The following MON2 variants were observed in gnomAD, a reference collection of about 807,000 sequenced individuals.
MON2 encodes MON2 regulator of endosome-to-Golgi trafficking.
Under a neutral mutation model 208.6 loss-of-function variants are expected in MON2, and 84 were observed. The ratio of observed to expected loss-of-function variants is 0.40; its 90% confidence interval spans 0.34 to 0.48. MON2 has a LOEUF of 0.48. Among genes scored for constraint, MON2 ranks in the 20% least tolerant of loss-of-function variants. The probability of loss-of-function intolerance (pLI) is 0.59; values close to 1 mark genes in which losing one functional copy is unlikely to be tolerated. For missense variants in MON2, 1,611 were observed against 2,015.4 expected (o/e 0.80, Z 3.84); for synonymous variants, 660 against 694.0 (o/e 0.95, Z 0.77).
At chr12:62,532,715 T>A in intron 12 of MON2, 45 bp downstream of exon 12, 1 of 1,494,602 alleles carries the variant, frequency 6.7e-7, no homozygotes. Flanking sequence ...AATTTGAAAT[T>A]TACAATTTGC....
chr12:62,521,875 T>C (rs565153495), intron 8 of MON2, among the ~76,000 whole-genome samples: 72 of 152,304 alleles, frequency 4.7e-4, no homozygotes, highest in Non-Finnish European at 8.2e-4. Context: ...CAAGTACCCT[T>C]AAGGAATTTA....
intron 11 of MON2, among the ~76,000 whole-genome samples, chr12:62,529,801 G>A (rs898360162): frequency 1.3e-5 from 2 of 151,926 alleles, no homozygotes; most frequent in African/African-American, 2.4e-5. Context: ...CATATAAATG[G>A]AATCACACAA....
chr12:62,552,539 T>C (rs1237598324), intron 23 of MON2, among the ~76,000 whole-genome samples: 1 of 152,140 alleles, frequency 6.6e-6, no homozygotes, highest in Non-Finnish European at 1.5e-5. Flanking sequence ...TTATAGTTTT[T>C]TTTTATAGTT....
chr12:62,499,631 T>TG (rs1297322877), intron 5 of MON2, among the ~76,000 whole-genome samples: 2 of 152,156 alleles, frequency 1.3e-5, no homozygotes, highest in Non-Finnish European at 2.9e-5. Flanking sequence ...CGTAGCATTT[T>TG]GGGAGGCTGA....
At chr12:62,572,183 C>CTA in intron 30 of MON2, among the ~76,000 whole-genome samples, 1 of 152,292 alleles carries the variant, frequency 6.6e-6, no homozygotes, top group East Asian at 1.9e-4. Context: ...TTACAAATGA[C>CTA]TAATTAAAAC....
At chr12:62,531,920 C>T (rs1335839170) in intron 11 of MON2, among the ~76,000 whole-genome samples, 1 of 152,044 alleles carries the variant, frequency 6.6e-6, no homozygotes, top group African/African-American at 2.4e-5. Flanking sequence ...CAGGCACCTG[C>T]CACCACGCCT....
rs141548503 is a variant in MON2, at chr12:62,535,571, A to G, written c.1762A>G (p.Met588Val). 1 of 1,613,746 alleles carries G rather than the reference A, an allele frequency of 6.2e-7. No homozygotes were observed. Among genetic ancestry groups the G allele is most frequent in the African/African-American group, 1.3e-5 (1 of 75,018 alleles). The change falls in exon 14 of 35, where the codon ATG becomes GTG. Residue 588 changes from methionine (M) to valine (V), a missense_variant. By Grantham distance (21) the Met-to-Val change is conservative. Transcript: ENST00000393630. ...GAATATTTTAAAAGCTGAACTGACTATGGCTGCTCTTTGTGGAAGACTGGG... is the reference window on the plus strand; with the variant it reads ...GAATATTTTAAAAGCTGAACTGACTGTGGCTGCTCTTTGTGGAAGACTGGG... ...TENILKAELT[M>V]AALCGRLGLV...
chr12:62,507,955 G>A (rs897016240), intron 7 of MON2, among the ~76,000 whole-genome samples: 20 of 151,812 alleles, frequency 1.3e-4, no homozygotes, highest in Non-Finnish European at 2.6e-4. Context: ...TTTTTTTGTA[G>A]AGATGGAGTC....
intron 3 of MON2, 21 bp downstream of exon 3, chr12:62,494,063 A>T (rs1200741067): frequency 1.2e-6 from 2 of 1,601,562 alleles, no homozygotes; most frequent in East Asian, 4.5e-5. Context: ...GATTTTATCT[A>T]AACTTCACCT....
At chr12:62,587,882 T>C (rs957742239) in intron 33 of MON2, 192 bp from the exon 34 acceptor site, 4 of 413,770 alleles carry the variant, frequency 9.7e-6, no homozygotes, top group African/African-American at 4.1e-5. Flanking sequence ...ACAAATTTGA[T>C]TTGCACACTG....
chr12:62,576,525 A>G (rs2074792298), intron 30 of MON2, among the ~76,000 whole-genome samples: 1 of 152,104 alleles, frequency 6.6e-6, no homozygotes, highest in Admixed American at 6.6e-5. Context: ...CTGACAAAAT[A>G]CAAATAACAC....
chr12:62,567,951 A>G (rs1370209379), intron 29 of MON2, among the ~76,000 whole-genome samples: 1 of 152,194 alleles, frequency 6.6e-6, no homozygotes, highest in Non-Finnish European at 1.5e-5. Flanking sequence ...TAATACCAAT[A>G]CTACTTACAT....
Position 62,538,490 on chromosome 12 carries a change from C to A in MON2, c.2349C>A (p.Ala783=). The change falls in exon 19 of 35, where the codon GCC becomes GCA. Residue 783 remains alanine, a synonymous_variant. Coordinates refer to ENST00000393630, the MANE Select transcript of MON2 (RefSeq NM_015026.3). The part of the protein sequence containing the change: ...CSLSLEAMDM[A]YGNNKEPSLF... Reference sequence around the variant, plus strand: ...TGTCTCTAGAAGCAATGGATATGGCCTATGGAAATAATAAGGTGTGATATT... The same window carrying A: ...TGTCTCTAGAAGCAATGGATATGGCATATGGAAATAATAAGGTGTGATATT... 1 of 1,599,732 alleles carries A rather than the reference C, an allele frequency of 6.3e-7. No homozygotes were observed. The highest frequency in any genetic ancestry group is 8.6e-7 in the Non-Finnish European group (1 of 1,167,744).
intron 7 of MON2, among the ~76,000 whole-genome samples, chr12:62,507,586 T>C (rs900690321): frequency 2.0e-5 from 3 of 152,150 alleles, no homozygotes; most frequent in African/African-American, 7.2e-5. Context: ...CCCAAAGTGC[T>C]AAGATTCCAG....
intron 29 of MON2, among the ~76,000 whole-genome samples, chr12:62,567,644 C>T (rs1448594524): frequency 1.3e-5 from 2 of 152,204 alleles, no homozygotes; most frequent in Non-Finnish European, 2.9e-5. Flanking sequence ...TCACTGCTTA[C>T]CTCACCAAAA....
In MON2 at chr12:62,542,985, C is replaced by T. The variant is rs904313933; in HGVS notation, c.2365-112C>T. On this transcript the variant is annotated intron_variant, in intron 19 of 34. Transcript: ENST00000393630. ...TGTTATAAATATAACTTTATACTAA[C>T]CACTCAATTTTAATTTCAGTCATGC... The T allele has an allele frequency of 7.1e-6, 4 of 567,124 alleles. No homozygotes were observed. The Admixed American group carries it at 1.5e-4, about 22-fold the overall frequency. 35.1% of individuals were successfully genotyped at this position (567,124 alleles called of 1,614,324 possible).
rs59861392 is a variant in MON2, at chr12:62,478,121, TTGTG to T, written c.112-6027_112-6024del. Among the ~76,000 whole-genome samples the T allele has an allele frequency of 9.7e-3, 1,453 of 149,792 alleles. 11 individuals carry two copies. The highest frequency in any genetic ancestry group is 0.015 in the Non-Finnish European group (1,009 of 67,310). On this transcript the variant is annotated intron_variant, in intron 1 of 34. Coordinates refer to ENST00000393630, the MANE Select transcript of MON2 (RefSeq NM_015026.3). Reference sequence around the variant, plus strand: ...TAGAATTGGCACTTGTAGATATAATTTGTGTGTGTGTGTGTGTGTGTGTGTATAA... The same window carrying T: ...TAGAATTGGCACTTGTAGATATAATTTGTGTGTGTGTGTGTGTGTGTATAA...
chr12:62,504,512 G>A (rs942924899), intron 7 of MON2, among the ~76,000 whole-genome samples: 2 of 152,090 alleles, frequency 1.3e-5, no homozygotes, highest in Non-Finnish European at 2.9e-5. Flanking sequence ...CTCCCAAAGT[G>A]CTGAGATTAC....
At chr12:62,574,122 C>G (rs1035159777) in intron 30 of MON2, among the ~76,000 whole-genome samples, 2 of 152,048 alleles carry the variant, frequency 1.3e-5, no homozygotes, top group African/African-American at 2.4e-5. Flanking sequence ...AATAATGCTC[C>G]CTAACTTACA....
Sources: gnomAD v4.1 joint callset for allele counts (sites outside exome capture counted in the v4.1 genomes callset) on GRCh38, gnomAD v4.1.1 for gene constraint, MANE v1.5 for transcripts, NCBI Gene and HGNC (gene_info 2026-07-23, HGNC 2026-07-21) for gene names.